GRM3: variants seen among roughly 807,000 people sequenced by gnomAD.
GRM3 encodes metabotropic glutamate receptor 3.
Under a neutral mutation model 70.5 loss-of-function variants are expected in GRM3, and 26 were observed. That is an observed-to-expected ratio of 0.37 (90% CI 0.27 to 0.51). The LOEUF is 0.51. Ranked by LOEUF, GRM3 falls within the 20% of genes least tolerant of loss-of-function variation. The pLI, the probability that GRM3 is intolerant of heterozygous loss-of-function variation, is 0.93. For missense variants in GRM3, 859 were observed against 1,123.8 expected (o/e 0.76, Z 3.37); for synonymous variants, 443 against 434.9 (o/e 1.02, Z -0.23).
Position 86,828,954 on chromosome 7 carries a change from G to A in GRM3, c.1325-9885G>A, listed in dbSNP as rs1377219749. 2.6e-5 allele frequency among the ~76,000 whole-genome samples: 4 copies of A among 152,158 alleles called. No homozygotes were observed. In the East Asian group the frequency reaches 5.8e-4, roughly 22 times the overall value. The stretch of plus-strand genomic sequence containing the variant: ...CTCTTGTCATTTCAACAACGTTCAC[G>A]GCTTCTTCACCAGGTGTGGATTCTA... On this transcript the variant is annotated intron_variant, in intron 3 of 5. Coordinates refer to ENST00000361669, the MANE Select transcript of GRM3 (RefSeq NM_000840.3).
intron 3 of GRM3, among the ~76,000 whole-genome samples, chr7:86,808,888 A>C (rs1054503610): frequency 1.3e-5 from 2 of 152,064 alleles, no homozygotes; most frequent in Non-Finnish European, 2.9e-5. Context: ...AGACAGAAGA[A>C]ATAAGGTCAG....
chr7:86,680,937 C>T (rs1376233686), intron 1 of GRM3, among the ~76,000 whole-genome samples: 2 of 152,102 alleles, frequency 1.3e-5, no homozygotes, highest in Admixed American at 6.6e-5. Flanking sequence ...AAACTAAGTT[C>T]TTTCTCTTCT....
intron 5 of GRM3, among the ~76,000 whole-genome samples, chr7:86,861,718 G>T (rs777039844): frequency 3.6e-4 from 55 of 152,114 alleles, no homozygotes; most frequent in Non-Finnish European, 6.3e-4. Context: ...GGAATGAGGT[G>T]AACACAAAAA....
At chr7:86,791,169 T>C (rs1797406680) in intron 3 of GRM3, among the ~76,000 whole-genome samples, 1 of 152,344 alleles carries the variant, frequency 6.6e-6, no homozygotes, top group Non-Finnish European at 1.5e-5. Flanking sequence ...TTTCAAGGCA[T>C]GGTACATATA....
chr7:86,683,775 G>A (rs1178734940), intron 1 of GRM3, among the ~76,000 whole-genome samples: 1 of 152,122 alleles, frequency 6.6e-6, no homozygotes, highest in African/African-American at 2.4e-5. Flanking sequence ...GAACTGGAAA[G>A]TGCCAGGTGC....
At chr7:86,806,570 T>C (rs1486630033) in intron 3 of GRM3, among the ~76,000 whole-genome samples, 2 of 152,248 alleles carry the variant, frequency 1.3e-5, no homozygotes, top group African/African-American at 2.4e-5. Context: ...TCTGTTCATA[T>C]CCTTCACCCA....
intron 1 of GRM3, among the ~76,000 whole-genome samples, chr7:86,716,490 C>G (rs1795319090): frequency 6.6e-6 from 1 of 151,794 alleles, no homozygotes; most frequent in Non-Finnish European, 1.5e-5. Flanking sequence ...AATTCACGCC[C>G]AGGTTTTCCT....
intron 1 of GRM3, among the ~76,000 whole-genome samples, chr7:86,759,458 T>G (rs1026134468): frequency 6.6e-6 from 1 of 152,156 alleles, no homozygotes; most frequent in Non-Finnish European, 1.5e-5. Context: ...TTTTTCAATC[T>G]CCTGATCAAT....
intron 1 of GRM3, among the ~76,000 whole-genome samples, chr7:86,689,226 A>G (rs962271566): frequency 1.3e-5 from 2 of 151,858 alleles, no homozygotes; most frequent in Admixed American, 6.6e-5. Flanking sequence ...ATGTCATAAC[A>G]TAATGAATAA....
chr7:86,741,541 G>T (rs1795992294), intron 1 of GRM3, among the ~76,000 whole-genome samples: 1 of 152,138 alleles, frequency 6.6e-6, no homozygotes, highest in South Asian at 2.1e-4. Context: ...ATGATGAACT[G>T]GTGTGAGCTA....
intron 1 of GRM3, among the ~76,000 whole-genome samples, chr7:86,708,342 G>A (rs1795107675): frequency 1.3e-5 from 2 of 152,110 alleles, no homozygotes; most frequent in South Asian, 4.1e-4. Flanking sequence ...TCCTACAGTG[G>A]CCACACATAG....
chr7:86,755,235 C>A (rs1018178499), intron 1 of GRM3, among the ~76,000 whole-genome samples: 1 of 151,812 alleles, frequency 6.6e-6, no homozygotes, highest in Admixed American at 6.6e-5. Context: ...TCTGTCAGAC[C>A]AAAATGGAAA....
intron 1 of GRM3, among the ~76,000 whole-genome samples, chr7:86,686,024 A>G (rs1285843462): frequency 6.6e-6 from 1 of 152,152 alleles, no homozygotes; most frequent in Non-Finnish European, 1.5e-5. Context: ...TGCTTAATAT[A>G]TGTAGCTTAA....
chr7:86,742,881 G>T (rs560502637), intron 1 of GRM3, among the ~76,000 whole-genome samples: 2 of 152,040 alleles, frequency 1.3e-5, no homozygotes, highest in African/African-American at 2.4e-5. Context: ...TAATGAAAGC[G>T]CTTCGAGGTA....
intron 1 of GRM3, among the ~76,000 whole-genome samples, chr7:86,695,457 C>T (rs535054949): frequency 6.6e-6 from 1 of 152,206 alleles, no homozygotes; most frequent in Non-Finnish European, 1.5e-5. Flanking sequence ...GGCCTAGAAC[C>T]TAGTCCTGCT....
rs560185144 is a variant in GRM3, at chr7:86,753,830, C to T, written c.-140-11176C>T. On this transcript the variant is annotated intron_variant, in intron 1 of 5. Coordinates refer to ENST00000361669, the MANE Select transcript of GRM3 (RefSeq NM_000840.3). ...ATATTTAACAATCAAATCTTGGGAA[C>T]TTATGGAGGGACTGATTTTTAGTGT... 2.6e-4 allele frequency among the ~76,000 whole-genome samples: 39 copies of T among 152,164 alleles called. No homozygotes were observed. In the South Asian group the frequency reaches 3.9e-3, roughly 15 times the overall value.
intron 2 of GRM3, among the ~76,000 whole-genome samples, chr7:86,770,577 C>T (rs1001374689): frequency 4.6e-5 from 7 of 152,014 alleles, no homozygotes; most frequent in African/African-American, 1.7e-4. Context: ...TAAAGACATC[C>T]CTCTATTATA....
chr7:86,738,102 G>A (rs1447164664), intron 1 of GRM3, among the ~76,000 whole-genome samples: 1 of 152,112 alleles, frequency 6.6e-6, no homozygotes, highest in Non-Finnish European at 1.5e-5. Context: ...CAGGCAGGAA[G>A]GGGCTGTGTA....
intron 1 of GRM3, among the ~76,000 whole-genome samples, chr7:86,734,779 A>G (rs1356752627): frequency 6.6e-6 from 1 of 152,030 alleles, no homozygotes; most frequent in Non-Finnish European, 1.5e-5. Flanking sequence ...TTTTATTTTC[A>G]TTTCCACTTC....
Sources: gnomAD v4.1 joint callset for allele counts (sites outside exome capture counted in the v4.1 genomes callset) on GRCh38, gnomAD v4.1.1 for gene constraint, MANE v1.5 for transcripts, NCBI Gene and HGNC (gene_info 2026-07-23, HGNC 2026-07-21) for gene names.